The following MRPS26 variants were observed in gnomAD, a reference collection of about 807,000 sequenced individuals.
MRPS26 encodes the protein mitochondrial ribosomal protein S26.
MRPS26 carries 26 observed loss-of-function variants against 22.7 expected under a neutral mutation model. That is an observed-to-expected ratio of 1.15 (90% CI 0.84 to 1.59). The LOEUF (loss-of-function observed/expected upper bound fraction) is 1.59. Among genes scored for constraint, MRPS26 ranks in the 40% most tolerant of loss-of-function variants. MRPS26 has a pLI of 0.00. For synonymous variants in MRPS26, 120 were observed against 124.0 expected (o/e 0.97, Z 0.22); for missense variants, 291 against 287.7 (o/e 1.01, Z -0.08).
Position 3,046,489 on chromosome 20 carries a change from A to T in MRPS26, c.329A>T (p.Gln110Leu). The T allele has an allele frequency of 6.3e-7, 1 of 1,576,180 alleles. No individual in the cohort carries two copies. The highest frequency in any genetic ancestry group is 8.6e-7 in the Non-Finnish European group (1 of 1,167,196). Residue 110 changes from glutamine (Q) to leucine (L), a missense_variant, in exon 2 of 4, where the codon CAG becomes CTG. Coordinates refer to ENST00000380325, the MANE Select transcript of MRPS26 (RefSeq NM_030811.4). ...AEHRELMAWN[Q>L]AENRRLHELR... ...CACCGCGAGCTGATGGCCTGGAACC[A>T]GGCGGAGAACCGGCGGCTGCACGAG...
At chr20:3,046,852 A>G in intron 3 of MRPS26, 115 bp downstream of exon 3, 1 of 1,456,052 alleles carries the variant, frequency 6.9e-7, no homozygotes, top group East Asian at 2.5e-5. Flanking sequence ...TACAGTTGGC[A>G]GGTCCGGATT....
In MRPS26 at chr20:3,046,279, A is replaced by C. The variant is rs1315374770; in HGVS notation, c.211A>C (p.Arg71=). 1.2e-6 allele frequency: 2 copies of C among 1,605,946 alleles called. No homozygotes were observed. The highest frequency in any genetic ancestry group is 2.2e-5 in the South Asian group (2 of 90,904). Residue 71 remains arginine, a splice_region_variant and synonymous_variant, in exon 1 of 4, where the codon AGG becomes CGG. Coordinates refer to ENST00000380325, the MANE Select transcript of MRPS26 (RefSeq NM_030811.4). Reference sequence around the variant, plus strand: ...CTACCGCCAGACCGTGCGCGCCCTCAGGTGTGCGGCCGGGGGGAGGTGGCC... The same window carrying C: ...CTACCGCCAGACCGTGCGCGCCCTCCGGTGTGCGGCCGGGGGGAGGTGGCC... The part of the protein sequence containing the change: ...QHYRQTVRAL[R]MEFVSEVQRK...
At position 3,047,963 on chromosome 20, in the gene MRPS26, TGAGG is replaced by T. The variant is rs1285900102; in HGVS notation, c.*95_*98del. 1.4e-6 allele frequency: 2 copies of T among 1,437,214 alleles called. No homozygotes were observed. The highest frequency in any genetic ancestry group is 5.3e-5 in the Admixed American group (2 of 37,590). 89.0% of individuals were successfully genotyped at this position (1,437,214 alleles called of 1,614,324 possible). On this transcript the variant is annotated 3_prime_UTR_variant, in exon 4 of 4. Transcript: ENST00000380325. ...GGAATAAAGCAGTTGGTGTTGCTTATGAGGAAGGTTCAGCCTTATCCAGCACAGC... is the reference window on the plus strand; with the variant it reads ...GGAATAAAGCAGTTGGTGTTGCTTATAAGGTTCAGCCTTATCCAGCACAGC...
chr20:3,046,344 G>T, intron 1 of MRPS26, 29 bp from the exon 2 acceptor site: 4 of 1,607,348 alleles, frequency 2.5e-6, no homozygotes, highest in Non-Finnish European at 3.4e-6. Flanking sequence ...GGCGGAGAGG[G>T]TGCTGATTCC....
In MRPS26 at chr20:3,046,745, A is replaced by G; in HGVS notation, c.483+8A>G. The G allele has an allele frequency of 3.9e-6, 6 of 1,537,228 alleles. No homozygotes were observed. The highest frequency in any genetic ancestry group is 5.2e-6 in the Non-Finnish European group (6 of 1,144,286). On this transcript the variant is annotated splice_region_variant and intron_variant, in intron 3 of 3. Coordinates refer to ENST00000380325, the MANE Select transcript of MRPS26 (RefSeq NM_030811.4). ...GAAGTGCTGCAGCTGCAGGTGGGCA[A>G]CGTCTCCGGAGGGTGGGACTCCAGC...
At position 3,046,545 on chromosome 20, in the gene MRPS26, G is replaced by GGCGGC. The variant is rs764868594; in HGVS notation, c.359+32_359+36dup. ...GTGCGTGGGGCGGGAGGCGGGGCGGGGCGGCGCGGCCTGGCCGGCCTGGGA... is the reference window on the plus strand; with the variant it reads ...GTGCGTGGGGCGGGAGGCGGGGCGGGGCGGCGCGGCGCGGCCTGGCCGGCCTGGGA... On this transcript the variant is annotated intron_variant, in intron 2 of 3. Coordinates refer to ENST00000380325, the MANE Select transcript of MRPS26 (RefSeq NM_030811.4). The GGCGGC allele has an allele frequency of 1.1e-5, 17 of 1,513,150 alleles. No homozygotes were observed. In the Middle Eastern group the frequency reaches 6.6e-4, roughly 59 times the overall value. The allele number at this position is 1,513,150 out of a possible 1,614,324, so 93.7% of individuals were successfully genotyped here.
intron 1 of MRPS26, 36 bp from the exon 2 acceptor site, chr20:3,046,337 G>A: frequency 6.2e-7 from 1 of 1,606,226 alleles, no homozygotes; most frequent in Non-Finnish European, 8.5e-7. Context: ...GGGAGTGGGC[G>A]GAGAGGGTGC....
chr20:3,047,403 T>C (rs2065993963), intron 3 of MRPS26, among the ~76,000 whole-genome samples: 1 of 151,662 alleles, frequency 6.6e-6, no homozygotes, highest in African/African-American at 2.4e-5. Flanking sequence ...AATAAATAAA[T>C]AAATAAATAA....
In MRPS26 at chr20:3,046,185, C is replaced by G. The variant is rs1246066728; in HGVS notation, c.117C>G (p.Ile39Met). Residue 39 changes from isoleucine to methionine, a missense_variant, in exon 1 of 4, where the codon ATC becomes ATG. Physicochemically the swap from Ile to Met is conservative, Grantham distance 10 (BLOSUM62 1). Transcript: ENST00000380325. ...ACGACCCGCTGGCCAAATCCAAGAT[C>G]GAGCGAGTGAACATGCCGCCCGCGG... The part of the protein sequence containing the change: ...TRHDPLAKSK[I>M]ERVNMPPAVD... 1.2e-6 allele frequency: 2 copies of G among 1,600,354 alleles called. No homozygotes were observed. The highest frequency in any genetic ancestry group is 2.2e-5 in the South Asian group (2 of 91,076).
rs771602151 is a variant in MRPS26, at chr20:3,046,249, C to T, written c.181C>T (p.Gln61Ter). 16 of 1,606,940 alleles carry T rather than the reference C, an allele frequency of 1.0e-5. No individual in the cohort carries two copies. The highest frequency in any genetic ancestry group is 1.4e-5 in the Non-Finnish European group (16 of 1,179,624). Residue 61 changes from glutamine (Q) to a stop codon, truncating the protein, a stop_gained, in exon 1 of 4, where the codon CAG becomes TAG. Coordinates refer to ENST00000380325, the MANE Select transcript of MRPS26 (RefSeq NM_030811.4). LOFTEE classifies it high-confidence loss of function. ...GTTCTTCGTGCTGATGGAGCGTTAC[C>T]AGCACTACCGCCAGACCGTGCGCGC... The part of the protein sequence containing the change: ...AEFFVLMERY[Q>*]HYRQTVRALR...
chr20:3,047,002 C>T (rs1427786771), intron 3 of MRPS26, among the ~76,000 whole-genome samples: 1 of 152,158 alleles, frequency 6.6e-6, no homozygotes, highest in Non-Finnish European at 1.5e-5. Flanking sequence ...GTGATGAAGC[C>T]ATGAAGGGTT....
intron 3 of MRPS26, among the ~76,000 whole-genome samples, chr20:3,047,343 G>C (rs1204785683): frequency 6.6e-6 from 1 of 152,030 alleles, no homozygotes; most frequent in African/African-American, 2.4e-5. Flanking sequence ...GAGCCGAGAT[G>C]GCGCCACTGC....
chr20:3,046,914 T>C (rs1026143101), intron 3 of MRPS26, among the ~76,000 whole-genome samples, 177 bp downstream of exon 3: 3 of 152,128 alleles, frequency 2.0e-5, no homozygotes, highest in East Asian at 1.9e-4. Flanking sequence ...AGCGGAGTAA[T>C]TGGACAGTGT....
chr20:3,047,643 CT>C (rs1462544131), intron 3 of MRPS26, 91 bp from the exon 4 acceptor site: 28 of 1,540,834 alleles, frequency 1.8e-5, no homozygotes, highest in Admixed American at 4.0e-5. Flanking sequence ...GCAGGAGCTG[CT>C]TTCTCAGTGG....
Position 3,046,278 on chromosome 20 carries a change from C to T in MRPS26, c.210C>T (p.Leu70=). Residue 70 remains leucine (L), a splice_region_variant and synonymous_variant, in exon 1 of 4, where the codon CTC becomes CTT. Transcript: ENST00000380325. ...ACTACCGCCAGACCGTGCGCGCCCT[C>T]AGGTGTGCGGCCGGGGGGAGGTGGC... The part of the protein sequence containing the change: ...YQHYRQTVRA[L]RMEFVSEVQR... 1.2e-6 allele frequency: 2 copies of T among 1,606,288 alleles called. No individual in the cohort carries two copies. The highest frequency in any genetic ancestry group is 4.5e-5 in the East Asian group (2 of 44,752).
chr20:3,046,952 G>A (rs1218521409), intron 3 of MRPS26, among the ~76,000 whole-genome samples: 1 of 152,224 alleles, frequency 6.6e-6, no homozygotes, highest in Admixed American at 6.5e-5. Flanking sequence ...CTGTGGGAGG[G>A]ACCCTGCGTT....
rs572745705 is a variant in MRPS26 at position 3,046,771 on chromosome 20, C to G, written c.483+34C>G. 5.5e-6 allele frequency: 8 copies of G among 1,454,284 alleles called. No individual in the cohort carries two copies. The Admixed American group carries it at 1.2e-4, about 22-fold the overall frequency. The allele number at this position is 1,454,284 out of a possible 1,614,324, so 90.1% of individuals were successfully genotyped here. ...CGTCTCCGGAGGGTGGGACTCCAGCCGGGGACGCGGCTTGCGGGGCACTGG... is the reference window on the plus strand; with the variant it reads ...CGTCTCCGGAGGGTGGGACTCCAGCGGGGGACGCGGCTTGCGGGGCACTGG... On this transcript the variant is annotated intron_variant, in intron 3 of 3. Transcript: ENST00000380325.
chr20:3,047,905 T>A lies in MRPS26; in HGVS notation c.*36T>A, dbSNP rs769366243. ...AGGACAGTGCCCGCCAGGGACCATG[T>A]ATGTATCATGGCGGAAGAGTTGGCC... On this transcript the variant is annotated 3_prime_UTR_variant, in exon 4 of 4. Transcript: ENST00000380325. The A allele has an allele frequency of 1.1e-5, 18 of 1,567,644 alleles. No homozygotes were observed. In the South Asian group the frequency reaches 2.1e-4, roughly 19 times the overall value.
rs1403944331 is a variant in MRPS26 at position 3,047,730 on chromosome 20, G to A, written c.484-5G>A. 4 of 1,613,252 alleles carry A rather than the reference G, an allele frequency of 2.5e-6. No homozygotes were observed. The highest frequency in any genetic ancestry group is 1.3e-5 in the African/African-American group (1 of 74,862). On this transcript the variant is annotated splice_polypyrimidine_tract_variant and splice_region_variant and intron_variant, in intron 3 of 3. Coordinates refer to ENST00000380325, the MANE Select transcript of MRPS26 (RefSeq NM_030811.4). The stretch of plus-strand genomic sequence containing the variant: ...CTGTTCAGCTGGGCTTTTCTCTCCC[G>A]ATAGGAAGAGGTGAAAAACTTCATC...
Sources: allele counts gnomAD v4.1 joint callset (sites outside exome capture counted in the v4.1 genomes callset), GRCh38; gene constraint gnomAD v4.1.1; transcripts MANE v1.5; gene names NCBI Gene and HGNC (gene_info 2026-07-23, HGNC 2026-07-21).